The following MERTK variants were observed in gnomAD, a reference collection of about 807,000 sequenced individuals.
MERTK encodes the protein tyrosine-protein kinase Mer.
A neutral mutation model predicts 99.3 loss-of-function variants in MERTK; 69 were observed. That is an observed-to-expected ratio of 0.70 (90% confidence interval 0.57 to 0.85). The LOEUF (loss-of-function observed/expected upper bound fraction) is 0.85, where lower values mean the gene tolerates loss of function less well. MERTK is among the 40% of genes least tolerant of loss of function. The pLI is 0.00. For missense variants in MERTK, 1,125 were observed against 1,249.4 expected (o/e 0.90, Z 1.50); for synonymous variants, 426 against 467.6 (o/e 0.91, Z 1.15).
intron 4 of MERTK, among the ~76,000 whole-genome samples, chr2:111,951,548 T>TATATATATAC (rs1491494901): frequency 1.3e-4 from 15 of 118,910 alleles, no homozygotes; most frequent in African/African-American, 4.0e-4. Flanking sequence ...TATATATATA[T>TATATATATAC]ACCATAATTT....
At chr2:112,016,562 C>T (rs908977867) in intron 15 of MERTK, among the ~76,000 whole-genome samples, 1 of 152,184 alleles carries the variant, frequency 6.6e-6, no homozygotes, top group Non-Finnish European at 1.5e-5. Flanking sequence ...AAACATGCTT[C>T]TCCAGGAGGG....
chr2:112,001,674 T>G lies in MERTK; in HGVS notation c.1690+388T>G, dbSNP rs537117901. Among the ~76,000 whole-genome samples, 5 of 152,352 alleles carry G rather than the reference T, an allele frequency of 3.3e-5. No homozygotes were observed. The East Asian group carries it at 9.7e-4, about 29-fold the overall frequency. On this transcript the variant is annotated intron_variant, in intron 11 of 18. Transcript: ENST00000295408. ...CTCCGAGGATGATTTGCCAACATGC[T>G]TTATAGTAATTATGGTTTGAGCTTT...
At chr2:111,972,187 C>A (rs184883774) in intron 6 of MERTK, among the ~76,000 whole-genome samples, 3 of 152,294 alleles carry the variant, frequency 2.0e-5, no homozygotes, top group Admixed American at 2.0e-4. Flanking sequence ...CCTGCCACTG[C>A]GCCTGGCTCA....
At chr2:111,990,201 A>G (rs2104395039) in intron 8 of MERTK, among the ~76,000 whole-genome samples, 1 of 152,362 alleles carries the variant, frequency 6.6e-6, no homozygotes, top group East Asian at 1.9e-4. Flanking sequence ...AACAGTATGG[A>G]TAAATTACAT....
intron 4 of MERTK, among the ~76,000 whole-genome samples, chr2:111,958,307 C>G (rs920221814): frequency 3.3e-5 from 5 of 152,172 alleles, no homozygotes; most frequent in Admixed American, 3.3e-4. Context: ...TTCATCCACA[C>G]AGAGAGAACT....
In MERTK at chr2:111,929,445, T is replaced by G; in HGVS notation, c.387T>G (p.Ser129=). ...VPNIYQDTTI[S]WWKDGKELLG... ...ATATATACCAGGACACCACAATTTC[T>G]TGGTGGAAAGATGGGAAGGAATTGC... Residue 129 remains serine (S), a synonymous_variant, in exon 2 of 19, where the codon TCT becomes TCG. Transcript: ENST00000295408. 1.2e-6 allele frequency: 2 copies of G among 1,614,152 alleles called. No homozygotes were observed. The highest frequency in any genetic ancestry group is 1.7e-6 in the Non-Finnish European group (2 of 1,179,988).
At chr2:112,001,338 A>C in intron 11 of MERTK, 52 bp downstream of exon 11, 1 of 1,376,152 alleles carries the variant, frequency 7.3e-7, no homozygotes, top group South Asian at 1.2e-5. Context: ...AGTTGAGAAC[A>C]AAGAAGGATC....
intron 16 of MERTK, chr2:112,020,594 A>G (rs772410743): frequency 2.3e-5 from 11 of 470,650 alleles, no homozygotes; most frequent in Non-Finnish European, 4.4e-6. Context: ...TTCTCATTTA[A>G]TTCCTCAAGC....
At chr2:111,905,836 C>G (rs954792591) in intron 1 of MERTK, among the ~76,000 whole-genome samples, 9 of 152,114 alleles carry the variant, frequency 5.9e-5, no homozygotes, top group Admixed American at 1.3e-4. Flanking sequence ...ATTATCAGTG[C>G]TTCTTTCACT....
intron 16 of MERTK, among the ~76,000 whole-genome samples, chr2:112,020,376 C>T (rs190549606): frequency 1.3e-3 from 196 of 152,276 alleles, no homozygotes; most frequent in African/African-American, 4.4e-3. Flanking sequence ...GCAGTTTACC[C>T]TGGCCTGAGG....
chr2:111,925,273 C>CAAATATAT (rs1558773432), intron 1 of MERTK, among the ~76,000 whole-genome samples: 4 of 74,620 alleles, frequency 5.4e-5, no homozygotes, highest in Admixed American at 5.3e-4. Flanking sequence ...TTGTACAGAT[C>CAAATATAT]AGATATATAT....
chr2:111,996,097 G>C (rs929329283), intron 9 of MERTK: 1 of 154,418 alleles, frequency 6.5e-6, no homozygotes, highest in African/African-American at 2.4e-5. Flanking sequence ...ATCACTTGAG[G>C]TCAGGAGTCC....
At chr2:111,929,669 C>T (rs2104687078) in intron 2 of MERTK, 129 bp downstream of exon 2, 2 of 665,328 alleles carry the variant, frequency 3.0e-6, no homozygotes, top group African/African-American at 1.9e-5. Context: ...TCATTGCAAC[C>T]TCCACCTCCT....
chr2:111,970,923 ATCT>A (rs1305274159), intron 6 of MERTK, among the ~76,000 whole-genome samples: 7 of 150,926 alleles, frequency 4.6e-5, no homozygotes, highest in Admixed American at 2.0e-4. Flanking sequence ...TTGATGTTAA[ATCT>A]TCTTTAAATA....
chr2:111,957,094 A>AT (rs1341946112), intron 4 of MERTK, among the ~76,000 whole-genome samples: 11 of 151,674 alleles, frequency 7.3e-5, no homozygotes, highest in Non-Finnish European at 1.3e-4. Flanking sequence ...AGCCCGGCTA[A>AT]TTTTTTGTAT....
chr2:111,970,320 C>G (rs1420036831), intron 6 of MERTK, among the ~76,000 whole-genome samples: 2 of 151,956 alleles, frequency 1.3e-5, no homozygotes, highest in African/African-American at 4.8e-5. Flanking sequence ...CCACGCCCAC[C>G]TAATTTTTGT....
At chr2:111,903,290 C>G (rs572592212) in intron 1 of MERTK, among the ~76,000 whole-genome samples, 17 of 152,316 alleles carry the variant, frequency 1.1e-4, no homozygotes, top group Admixed American at 3.3e-4. Context: ...TTTCCAGAAA[C>G]AGAATTGCTG....
chr2:111,908,020 G>A (rs1684167920), intron 1 of MERTK, among the ~76,000 whole-genome samples: 2 of 152,170 alleles, frequency 1.3e-5, no homozygotes, highest in Non-Finnish European at 2.9e-5. Context: ...CACTGATGCA[G>A]TATATCTGAT....
chr2:111,913,741 G>T (rs979653836), intron 1 of MERTK, among the ~76,000 whole-genome samples: 4 of 152,226 alleles, frequency 2.6e-5, no homozygotes, highest in African/African-American at 9.6e-5. Flanking sequence ...TAGAGGTGGG[G>T]TTTCACCATT....
Sources: allele counts gnomAD v4.1 joint callset (sites outside exome capture counted in the v4.1 genomes callset), GRCh38; gene constraint gnomAD v4.1.1; transcripts MANE v1.5; gene names NCBI Gene and HGNC (gene_info 2026-07-23, HGNC 2026-07-21).